VAV1: variants seen among roughly 807,000 people sequenced by gnomAD.
VAV1 encodes proto-oncogene vav.
In VAV1, 33 loss-of-function variants were observed where a neutral mutation model predicts 128.1. The ratio of observed to expected loss-of-function variants is 0.26; its 90% CI spans 0.20 to 0.34. The LOEUF (loss-of-function observed/expected upper bound fraction) is 0.34. Ranked by LOEUF, VAV1 falls within the 10% of genes least tolerant of loss-of-function variation. The pLI is 1.00. For missense variants in VAV1, 715 were observed against 1,093.7 expected (o/e 0.65, Z 4.88); for synonymous variants, 394 against 409.8 (o/e 0.96, Z 0.47).
intron 1 of VAV1, among the ~76,000 whole-genome samples, chr19:6,782,905 G>A (rs1005598100): frequency 1.3e-5 from 2 of 151,620 alleles, no homozygotes; most frequent in African/African-American, 4.8e-5. Context: ...AAAAAGGCCA[G>A]GTGCAGTGGC....
At chr19:6,847,969 C>A (rs1972566774) in intron 22 of VAV1, 29 bp from the exon 23 acceptor site, 3 of 1,464,882 alleles carry the variant, frequency 2.0e-6, no homozygotes, top group African/African-American at 1.5e-5. Flanking sequence ...GGGGACCGTG[C>A]CACCTCTGTC....
In VAV1 at chr19:6,805,022, C is replaced by G. The variant is rs1971360449; in HGVS notation, c.205-15680C>G. Among the ~76,000 whole-genome samples, 6 of 151,550 alleles carry G rather than the reference C, an allele frequency of 4.0e-5. No homozygotes were observed. The South Asian group carries it at 1.0e-3, about 26-fold the overall frequency. On this transcript the variant is annotated intron_variant, in intron 1 of 26. Transcript: ENST00000602142. ...CTGGGATTACAGGTGTGAGCCACCG[C>G]CCCCCGGCCCATACCTCCTTTTAAT...
At chr19:6,842,890 A>G (rs886814978) in intron 21 of VAV1, among the ~76,000 whole-genome samples, 6 of 152,140 alleles carry the variant, frequency 3.9e-5, no homozygotes, top group Non-Finnish European at 8.8e-5. Context: ...TGTAAAAACC[A>G]TTCTTGACTT....
chr19:6,840,462 C>A (rs190828054), intron 21 of VAV1, among the ~76,000 whole-genome samples: 2 of 149,970 alleles, frequency 1.3e-5, no homozygotes, highest in African/African-American at 4.9e-5. Context: ...CTTGCCACCA[C>A]GCCTGGCTAA....
Position 6,852,878 on chromosome 19 carries a change from T to C in VAV1, c.2218-87T>C, listed in dbSNP as rs1205729948. The C allele has an allele frequency of 5.9e-6, 6 of 1,025,616 alleles. No homozygotes were observed. In the African/African-American group the frequency reaches 9.6e-5, roughly 16 times the overall value. The allele number at this position is 1,025,616 out of a possible 1,614,324, so 63.5% of individuals were successfully genotyped here. On this transcript the variant is annotated intron_variant, in intron 24 of 26. Coordinates refer to ENST00000602142, the MANE Select transcript of VAV1 (RefSeq NM_005428.4). ...GGCCAGAAACAGGGCCTGCTTCATG[T>C]GAGGAGTTGCATATGGCTGTTCCTA...
chr19:6,791,750 C>A (rs1189602768), intron 1 of VAV1, among the ~76,000 whole-genome samples: 2 of 152,008 alleles, frequency 1.3e-5, no homozygotes, highest in African/African-American at 2.4e-5. Flanking sequence ...TGAAACAAAC[C>A]CAGGGATCAA....
At chr19:6,773,080 G>A (rs1290091362) in intron 1 of VAV1, 69 bp downstream of exon 1, 20 of 1,581,038 alleles carry the variant, frequency 1.3e-5, no homozygotes, top group Non-Finnish European at 1.7e-5. Context: ...GACAGTCGAG[G>A]GGCTGACGTG....
At chr19:6,829,941 A>C (rs371072820) in intron 14 of VAV1, 23 bp downstream of exon 14, 1 of 1,613,806 alleles carries the variant, frequency 6.2e-7, no homozygotes, top group Non-Finnish European at 8.5e-7. Context: ...CGCCGGAACT[A>C]TGGGGTCCTC....
At chr19:6,836,899 A>G in intron 20 of VAV1, 86 bp from the exon 21 acceptor site, 3 of 1,304,578 alleles carry the variant, frequency 2.3e-6, no homozygotes, top group Non-Finnish European at 3.3e-6. Flanking sequence ...GGCAGGATCC[A>G]CGTGTAGGGT....
chr19:6,822,363 C>T lies in VAV1; in HGVS notation c.558+34C>T. ...CGTGGAGGGTCGGGCCTGGGGAGGGCGTGGGCGGGGGGCAGCCCCAGGCCC... is the reference window on the plus strand; with the variant it reads ...CGTGGAGGGTCGGGCCTGGGGAGGGTGTGGGCGGGGGGCAGCCCCAGGCCC... On this transcript the variant is annotated intron_variant, in intron 5 of 26. Coordinates refer to ENST00000602142, the MANE Select transcript of VAV1 (RefSeq NM_005428.4). The surrounding 1 kb of genome is among the most constrained non-coding windows in gnomAD (Gnocchi z 5.9). The T allele has an allele frequency of 7.4e-6, 4 of 543,742 alleles. No homozygotes were observed. Among genetic ancestry groups the T allele is most frequent in the Non-Finnish European group, 1.3e-5 (4 of 297,466 alleles). 33.7% of individuals were successfully genotyped at this position (543,742 alleles called of 1,614,324 possible). A position where few individuals can be genotyped will look rare whatever the true frequency, so the allele number is the denominator to read the frequency against.
intron 1 of VAV1, chr19:6,784,333 A>G: frequency 2.2e-6 from 1 of 456,092 alleles, no homozygotes; most frequent in Non-Finnish European, 4.0e-6. Flanking sequence ...GCCATGGGGG[A>G]GGAATTCAGC....
At position 6,822,159 on chromosome 19, in the gene VAV1, C is replaced by A; in HGVS notation, c.450-62C>A. ...GGGGGACAAAGCCCTGCGCTGGGGT[C>A]TGCGGGGACCCTGCTGTGATCTGGG... On this transcript the variant is annotated intron_variant, in intron 4 of 26. Transcript: ENST00000602142. The surrounding 1 kb of genome is among the most constrained non-coding windows in gnomAD (Gnocchi z 5.9). 6.7e-7 allele frequency: 1 copy of A among 1,494,942 alleles called. No homozygotes were observed. The highest frequency in any genetic ancestry group is 1.2e-5 in the South Asian group (1 of 82,684). The allele number at this position is 1,494,942 out of a possible 1,614,324, so 92.6% of individuals were successfully genotyped here. A position where few individuals can be genotyped will look rare whatever the true frequency, so the allele number is the denominator to read the frequency against.
intron 1 of VAV1, among the ~76,000 whole-genome samples, chr19:6,814,874 C>T (rs575042056): frequency 2.0e-5 from 3 of 151,802 alleles, no homozygotes; most frequent in South Asian, 4.2e-4. Flanking sequence ...TACAGTGTTT[C>T]GGTCTAGGTT....
At chr19:6,779,281 G>GCCTCAAGCAATTCCTCCCGC (rs1265723318) in intron 1 of VAV1, among the ~76,000 whole-genome samples, 3 of 150,326 alleles carry the variant, frequency 2.0e-5, no homozygotes, top group Non-Finnish European at 4.5e-5. Flanking sequence ...TGAACTCCTG[G>GCCTCAAGCAATTCCTCCCGC]CCTCAAGCAA....
At chr19:6,856,646 C>T (rs762960130) in intron 26 of VAV1, among the ~76,000 whole-genome samples, 48 of 151,126 alleles carry the variant, frequency 3.2e-4, no homozygotes, top group Middle Eastern at 3.2e-3. Context: ...ATCACTTGAA[C>T]CCGGGAGGTG....
At chr19:6,806,207 C>T (rs1971394050) in intron 1 of VAV1, among the ~76,000 whole-genome samples, 1 of 152,128 alleles carries the variant, frequency 6.6e-6, no homozygotes, top group African/African-American at 2.4e-5. Flanking sequence ...CTGCTTCAGC[C>T]TCCCGAGTAG....
In VAV1 at chr19:6,797,698, C is replaced by T. The variant is rs1043664849; in HGVS notation, c.205-23004C>T. 2.7e-5 allele frequency among the ~76,000 whole-genome samples: 4 copies of T among 145,910 alleles called. No individual in the cohort carries two copies. The East Asian group carries it at 6.1e-4, about 22-fold the overall frequency. ...AGCCTGGGCAACAAGAGTGAAAGAT[C>T]GCGCCATTGCACTCCAGCCTGGGCA... On this transcript the variant is annotated intron_variant, in intron 1 of 26. Coordinates refer to ENST00000602142, the MANE Select transcript of VAV1 (RefSeq NM_005428.4).
rs1369255918 is a variant in VAV1, at chr19:6,802,599, C to T, written c.205-18103C>T. On this transcript the variant is annotated intron_variant, in intron 1 of 26. Coordinates refer to ENST00000602142, the MANE Select transcript of VAV1 (RefSeq NM_005428.4). ...CTCCCTGAGGTCAGGAGGGAACTTC[C>T]TCCCTCGAGCCACAGACACAGCCAT... is the stretch of plus-strand genomic sequence containing the variant. Among the ~76,000 whole-genome samples the T allele has an allele frequency of 2.6e-5, 4 of 152,144 alleles. No individual in the cohort carries two copies. The South Asian group carries it at 6.2e-4, about 24-fold the overall frequency.
At position 6,822,859 on chromosome 19, in the gene VAV1, T is replaced by C. The variant is rs1971829468; in HGVS notation, c.654+345T>C. 6.8e-6 allele frequency among the ~76,000 whole-genome samples: 1 copy of C among 147,080 alleles called. No homozygotes were observed. The highest frequency in any genetic ancestry group is 1.5e-5 in the Non-Finnish European group (1 of 66,814). On this transcript the variant is annotated intron_variant, in intron 6 of 26. Transcript: ENST00000602142. This position sits in a 1 kb window ranked among gnomAD's most constrained non-coding sequence, Gnocchi z 5.9. The stretch of plus-strand genomic sequence containing the variant: ...TATATAAATATATACAAAGTATATA[T>C]AAAAATATAAACATATAATATGTAT...
Sources: gnomAD v4.1 joint callset for allele counts (sites outside exome capture counted in the v4.1 genomes callset) on GRCh38, gnomAD v4.1.1 for gene constraint, Gnocchi (gnomAD v3.1) non-coding constraint, MANE v1.5 for transcripts, NCBI Gene and HGNC (gene_info 2026-07-23, HGNC 2026-07-21) for gene names.